PDHX: variants seen among roughly 807,000 people sequenced by gnomAD.
PDHX encodes the protein pyruvate dehydrogenase complex component X, also known as pyruvate dehydrogenase protein X component, mitochondrial.
Under a neutral mutation model 55.3 loss-of-function variants are expected in PDHX, and 33 were observed. The ratio of observed to expected loss-of-function variants is 0.60; its 90% CI spans 0.45 to 0.80. PDHX has a LOEUF of 0.80. Among genes scored for constraint, PDHX ranks in the 30% least tolerant of loss-of-function variants. PDHX has a pLI of 0.00. For missense variants in PDHX, 622 were observed against 619.9 expected (o/e 1.00, Z -0.04); for synonymous variants, 226 against 219.4 (o/e 1.03, Z -0.27).
chr11:34,979,948 A>G (rs1855472270), intron 8 of PDHX, among the ~76,000 whole-genome samples: 1 of 150,786 alleles, frequency 6.6e-6, no homozygotes, highest in African/African-American at 2.4e-5. Flanking sequence ...TTCTAGTTTC[A>G]TAGAATTCAC....
At chr11:34,968,218 C>T (rs956855670) in intron 6 of PDHX, among the ~76,000 whole-genome samples, 3 of 147,048 alleles carry the variant, frequency 2.0e-5, no homozygotes, top group Non-Finnish European at 3.0e-5. Context: ...CTGTAGTGAG[C>T]TATGTGCACT....
At chr11:34,975,313 A>T (rs1434876261) in intron 7 of PDHX, among the ~76,000 whole-genome samples, 1 of 151,822 alleles carries the variant, frequency 6.6e-6, no homozygotes, top group Admixed American at 6.6e-5. Context: ...AAAAATTTCC[A>T]GTTATTTTTA....
rs1423639207 is a variant in PDHX at position 34,984,653 on chromosome 11, A to G, written c.1107A>G (p.Thr369=). 5.6e-6 allele frequency: 9 copies of G among 1,614,042 alleles called. No individual in the cohort carries two copies. Among genetic ancestry groups the G allele is most frequent in the Non-Finnish European group, 7.6e-6 (9 of 1,179,890 alleles). Residue 369 remains threonine, a synonymous_variant, in exon 9 of 11, where the codon ACA becomes ACG. Transcript: ENST00000227868. ...TTGACATTTCAGTGGCTGTGGCAAC[A>G]GATAAAGGCTTACTTACTCCAATCA... ...PFIDISVAVA[T]DKGLLTPIIK... is the part of the protein sequence containing the mutation.
intron 1 of PDHX, among the ~76,000 whole-genome samples, chr11:34,921,326 A>C (rs1433630945): frequency 2.0e-5 from 3 of 152,182 alleles, no homozygotes; most frequent in East Asian, 1.9e-4. Context: ...TTTCTTTCTC[A>C]GTGTCAGCTT....
chr11:34,946,855 T>C (rs1422302679), intron 2 of PDHX, among the ~76,000 whole-genome samples: 2 of 152,200 alleles, frequency 1.3e-5, no homozygotes, highest in African/African-American at 4.8e-5. Context: ...CAAAGGAAAC[T>C]GTTGTACCTC....
intron 7 of PDHX, 65 bp downstream of exon 7, chr11:34,970,351 T>C: frequency 8.1e-7 from 1 of 1,240,940 alleles, no homozygotes; most frequent in South Asian, 1.3e-5. Context: ...AAATCCTTTA[T>C]AAAATTATAA....
chr11:34,918,058 C>T (rs1853779130), intron 1 of PDHX, among the ~76,000 whole-genome samples: 3 of 152,230 alleles, frequency 2.0e-5, no homozygotes, highest in South Asian at 4.1e-4. Context: ...AGGAAGAGTG[C>T]TCTTAATCTT....
At chr11:34,936,227 G>A (rs1373644436) in intron 2 of PDHX, among the ~76,000 whole-genome samples, 1 of 152,154 alleles carries the variant, frequency 6.6e-6, no homozygotes, top group African/African-American at 2.4e-5. Context: ...TAGGAGGTAT[G>A]GTGCAGTGAG....
intron 1 of PDHX, among the ~76,000 whole-genome samples, chr11:34,924,161 T>G (rs1490834386): frequency 1.3e-5 from 2 of 152,238 alleles, no homozygotes; most frequent in Admixed American, 1.3e-4. Context: ...CCCTCTTAAT[T>G]GTTTCTATGC....
intron 9 of PDHX, among the ~76,000 whole-genome samples, chr11:34,988,299 C>T (rs1297114434): frequency 6.6e-6 from 1 of 151,996 alleles, no homozygotes; most frequent in Non-Finnish European, 1.5e-5. Context: ...TATATTAATC[C>T]TCTTTAAAAC....
intron 1 of PDHX, among the ~76,000 whole-genome samples, chr11:34,923,345 A>C (rs1031625299): frequency 6.6e-6 from 1 of 152,078 alleles, no homozygotes; most frequent in Non-Finnish European, 1.5e-5. Flanking sequence ...AATTCAGGAG[A>C]GATTTCTTGG....
chr11:34,916,619 G>C lies in PDHX; in HGVS notation c.-37G>C, dbSNP rs1296027258. 1 of 1,601,372 alleles carries C rather than the reference G, an allele frequency of 6.2e-7. No homozygotes were observed. The highest frequency in any genetic ancestry group is 1.7e-5 in the Admixed American group (1 of 59,896). On this transcript the variant is annotated 5_prime_UTR_variant, in exon 1 of 11. Transcript: ENST00000227868. ...GGCGGGGCCTTGATGCTGGACATCA[G>C]GCTGTGCTGCGGGCAGCCAGTGAGA...
chr11:34,977,157 C>CAGA (rs1855397048), intron 7 of PDHX, among the ~76,000 whole-genome samples: 1 of 152,096 alleles, frequency 6.6e-6, no homozygotes, highest in Admixed American at 6.6e-5. Context: ...TCTGTAGTCT[C>CAGA]CAGGATGCCT....
At chr11:34,922,674 G>C (rs1853914454) in intron 1 of PDHX, among the ~76,000 whole-genome samples, 1 of 152,246 alleles carries the variant, frequency 6.6e-6, no homozygotes, top group African/African-American at 2.4e-5. Flanking sequence ...TATCATTTTA[G>C]AACAATTAAG....
chr11:34,993,507 A>G (rs554525985), intron 10 of PDHX, among the ~76,000 whole-genome samples: 1 of 152,168 alleles, frequency 6.6e-6, no homozygotes, highest in Non-Finnish European at 1.5e-5. Context: ...TTTTTTCCCC[A>G]TATGGATACT....
chr11:34,945,202 G>A (rs943691501), intron 2 of PDHX, among the ~76,000 whole-genome samples: 1 of 152,104 alleles, frequency 6.6e-6, no homozygotes, highest in African/African-American at 2.4e-5. Flanking sequence ...AAAGTTGTTA[G>A]CATGCCTTAC....
intron 9 of PDHX, 52 bp from the exon 10 acceptor site, chr11:34,992,263 T>C: frequency 2.0e-6 from 2 of 1,005,678 alleles, no homozygotes; most frequent in Admixed American, 1.7e-5. Flanking sequence ...AGTGACAAGA[T>C]CAACTGTATA....
At chr11:34,919,223 T>A (rs913753574) in intron 1 of PDHX, among the ~76,000 whole-genome samples, 1 of 152,234 alleles carries the variant, frequency 6.6e-6, no homozygotes, top group Non-Finnish European at 1.5e-5. Context: ...ACATACAGAT[T>A]TTTGTTTTGC....
intron 5 of PDHX, among the ~76,000 whole-genome samples, chr11:34,962,804 C>T (rs889801261): frequency 2.0e-5 from 3 of 151,990 alleles, no homozygotes; most frequent in African/African-American, 7.2e-5. Flanking sequence ...TCCATGTGTG[C>T]TTAATACATA....
Sources: allele counts gnomAD v4.1 joint callset (sites outside exome capture counted in the v4.1 genomes callset), GRCh38; gene constraint gnomAD v4.1.1; transcripts MANE v1.5; gene names NCBI Gene and HGNC (gene_info 2026-07-23, HGNC 2026-07-21).